The following LARGE1 variants were observed in gnomAD, a reference collection of about 807,000 sequenced individuals.
LARGE1 encodes the protein xylosyl- and glucuronyltransferase LARGE1.
LARGE1 carries 43 observed loss-of-function variants against 87.6 expected under a neutral mutation model. The observed-to-expected ratio is 0.49, with a 90% CI of 0.38 to 0.63. The LOEUF (loss-of-function observed/expected upper bound fraction) is 0.63. Ranked by LOEUF, LARGE1 falls within the 30% of genes least tolerant of loss-of-function variation. The pLI is 0.00. For missense variants in LARGE1, 802 were observed against 1,000.2 expected, an observed-to-expected ratio of 0.80 and a Z score of 2.67; for synonymous variants, 434 against 394.6, an observed-to-expected ratio of 1.10 and a Z score of -1.18.
intron 2 of LARGE1, among the ~76,000 whole-genome samples, chr22:33,740,930 C>A (rs552174560): frequency 6.6e-5 from 10 of 152,174 alleles, no homozygotes; most frequent in Non-Finnish European, 1.5e-4. Flanking sequence ...GACATTTGGG[C>A]CTGAGAGTTT....
intron 7 of LARGE1, among the ~76,000 whole-genome samples, chr22:33,389,112 T>G (rs1254018626): frequency 6.6e-6 from 1 of 152,146 alleles, no homozygotes; most frequent in East Asian, 1.9e-4. Context: ...GGAAACACCA[T>G]GGACAAAGGC....
chr22:33,870,205 AC>A (rs1195342776), intron 1 of LARGE1, among the ~76,000 whole-genome samples: 3 of 152,200 alleles, frequency 2.0e-5, no homozygotes, highest in African/African-American at 7.2e-5. Flanking sequence ...GGACGCATCT[AC>A]CAGCCAGAGT....
the LARGE1 span, among the ~76,000 whole-genome samples, chr22:33,092,565 C>G: frequency 8.5e-5 from 13 of 152,092 alleles, no homozygotes; most frequent in Non-Finnish European, 1.3e-4. Context: ...AACCCATTAG[C>G]TAGGTATTAA....
At chr22:33,654,396 G>C (rs905290344) in intron 2 of LARGE1, among the ~76,000 whole-genome samples, 1 of 152,202 alleles carries the variant, frequency 6.6e-6, no homozygotes, top group African/African-American at 2.4e-5. Flanking sequence ...TGTGCTCCGA[G>C]TCCCCTCTCA....
At chr22:33,457,051 A>G (rs2068158443) in intron 6 of LARGE1, among the ~76,000 whole-genome samples, 1 of 152,116 alleles carries the variant, frequency 6.6e-6, no homozygotes, top group South Asian at 2.1e-4. Context: ...AGTCACTTGT[A>G]TAGCATCACT....
At chr22:33,130,453 G>A in the LARGE1 span, among the ~76,000 whole-genome samples, 1 of 151,754 alleles carries the variant, frequency 6.6e-6, no homozygotes, top group Non-Finnish European at 1.5e-5. Flanking sequence ...TTGCACCACT[G>A]CACTCCAGCC....
At chr22:33,657,649 T>C (rs991031429) in intron 2 of LARGE1, among the ~76,000 whole-genome samples, 2 of 152,110 alleles carry the variant, frequency 1.3e-5, no homozygotes, top group African/African-American at 2.4e-5. Context: ...CCTAGAACAT[T>C]GTGTGGGTCT....
intron 1 of LARGE1, among the ~76,000 whole-genome samples, chr22:33,878,770 G>A (rs1403288157): frequency 1.3e-5 from 2 of 152,130 alleles, no homozygotes; most frequent in African/African-American, 4.8e-5. Context: ...CCCCAGGAAA[G>A]ACTCCAGAAC....
At chr22:33,637,828 C>G (rs73400710) in intron 3 of LARGE1, among the ~76,000 whole-genome samples, 3,972 of 152,210 alleles carry the variant, frequency 0.026, 165 homozygotes, top group African/African-American at 0.091. Context: ...CTCCCAGATT[C>G]CTAATTTTCA....
At chr22:33,118,504 G>GAAAA in the LARGE1 span, among the ~76,000 whole-genome samples, 1 of 80,454 alleles carries the variant, frequency 1.2e-5, no homozygotes, top group African/African-American at 4.0e-5. Context: ...AAAGAAAAAA[G>GAAAA]AAAAAAAAAA....
intron 7 of LARGE1, among the ~76,000 whole-genome samples, chr22:33,410,087 C>G (rs548071822): frequency 6.6e-6 from 1 of 152,060 alleles, no homozygotes; most frequent in Non-Finnish European, 1.5e-5. Context: ...CTTGGTTTTA[C>G]GAACTACTGA....
intron 1 of LARGE1, among the ~76,000 whole-genome samples, chr22:33,764,006 C>T (rs1256828669): frequency 2.6e-5 from 4 of 151,802 alleles, no homozygotes; most frequent in Non-Finnish European, 4.4e-5. Flanking sequence ...CACGCCACCA[C>T]GTCCAGCTAG....
intron 6 of LARGE1, among the ~76,000 whole-genome samples, chr22:33,522,226 G>A (rs906585725): frequency 6.6e-6 from 1 of 152,202 alleles, no homozygotes; most frequent in African/African-American, 2.4e-5. Flanking sequence ...CTTGCCAGCT[G>A]TAACTGTATT....
chr22:33,120,321 T>TTTTC, the LARGE1 span, among the ~76,000 whole-genome samples: 4 of 151,748 alleles, frequency 2.6e-5, no homozygotes, highest in Non-Finnish European at 5.9e-5. Flanking sequence ...ATAAACTGCC[T>TTTTC]TTTCTTTCTT....
intron 6 of LARGE1, among the ~76,000 whole-genome samples, chr22:33,456,096 G>A (rs1056478667): frequency 6.6e-6 from 1 of 152,184 alleles, no homozygotes; most frequent in African/African-American, 2.4e-5. Flanking sequence ...ACAGGTAAAC[G>A]TTGGAAACAA....
the LARGE1 span, among the ~76,000 whole-genome samples, chr22:33,131,113 A>G: frequency 6.6e-6 from 1 of 151,588 alleles, no homozygotes; most frequent in Admixed American, 6.6e-5. Flanking sequence ...GGAAAGTGAA[A>G]GAGACCTTCC....
chr22:33,469,572 C>A (rs1385033775), intron 6 of LARGE1, among the ~76,000 whole-genome samples: 1 of 152,096 alleles, frequency 6.6e-6, no homozygotes, highest in Non-Finnish European at 1.5e-5. Context: ...TGCCTGTAAT[C>A]CCAGCACTTC....
chr22:33,506,038 G>A (rs1045525128), intron 6 of LARGE1, among the ~76,000 whole-genome samples: 3 of 151,972 alleles, frequency 2.0e-5, no homozygotes, highest in African/African-American at 7.3e-5. Flanking sequence ...CTTTACAACT[G>A]CCACTCAATT....
At chr22:33,360,269 C>A (rs1040329910) in intron 9 of LARGE1, among the ~76,000 whole-genome samples, 1 of 149,246 alleles carries the variant, frequency 6.7e-6, no homozygotes, top group Non-Finnish European at 1.5e-5. Flanking sequence ...GCCAAGACCA[C>A]GCCACTGTGC....
Sources: gnomAD v4.1 joint callset for allele counts (sites outside exome capture counted in the v4.1 genomes callset) on GRCh38, gnomAD v4.1.1 for gene constraint, MANE v1.5 for transcripts, NCBI Gene and HGNC (gene_info 2026-07-23, HGNC 2026-07-21) for gene names.